Variants in EXOC5 observed in about 807,000 individuals in gnomAD.
EXOC5 encodes the protein exocyst complex component 5, also known as SEC10-like 1.
In EXOC5, 17 loss-of-function variants were observed where a neutral mutation model predicts 90.8. The observed-to-expected ratio is 0.19, with a 90% CI of 0.13 to 0.28. EXOC5 has a LOEUF of 0.28. Ranked by LOEUF, EXOC5 falls within the 10% of genes least tolerant of loss-of-function variation. The pLI is 1.00. For missense variants in EXOC5, 569 were observed against 830.6 expected (o/e 0.69, Z 3.87); for synonymous variants, 260 against 270.0 (o/e 0.96, Z 0.36).
At chr14:57,226,704 T>C (rs1883318743) in intron 12 of EXOC5, among the ~76,000 whole-genome samples, 1 of 152,198 alleles carries the variant, frequency 6.6e-6, no homozygotes, top group South Asian at 2.1e-4. Context: ...CCATTGATTT[T>C]TGACAAAGGT....
At chr14:57,217,029 T>C (rs1413300708) in intron 15 of EXOC5, among the ~76,000 whole-genome samples, 1 of 152,158 alleles carries the variant, frequency 6.6e-6, no homozygotes, top group African/African-American at 2.4e-5. Flanking sequence ...GTGCTCAACA[T>C]CACTAGTCAT....
intron 12 of EXOC5, 141 bp from the exon 13 acceptor site, chr14:57,222,557 G>A: frequency 2.0e-6 from 1 of 500,328 alleles, no homozygotes; most frequent in South Asian, 3.5e-5. Context: ...CATACTGCGT[G>A]TGCATGCACA....
At position 57,268,349 on chromosome 14, in the gene EXOC5, G is replaced by A. The variant is rs146837183; in HGVS notation, c.27+273C>T. The A allele has an allele frequency of 6.3e-4, 503 of 798,608 alleles. 7 individuals are homozygous for A. The East Asian group carries it at 0.015, about 24-fold the overall frequency. The allele number at this position is 798,608 out of a possible 1,614,324, so 49.5% of individuals were successfully genotyped here. A position where few individuals can be genotyped will look rare whatever the true frequency, so the allele number is the denominator to read the frequency against. ...CCGAACCTTCCAGACTTTCCCTCTT[G>A]CCCCCACAAACAAAAGCAACCCTCC... On this transcript the variant is annotated intron_variant, in intron 1 of 17. Transcript: ENST00000621441.
chr14:57,264,338 T>C (rs1270703819), intron 1 of EXOC5, among the ~76,000 whole-genome samples: 2 of 152,230 alleles, frequency 1.3e-5, no homozygotes. Context: ...TCAACAACTC[T>C]GTTTAACTAG....
chr14:57,211,190 T>C (rs781459334), intron 15 of EXOC5, among the ~76,000 whole-genome samples: 4 of 152,190 alleles, frequency 2.6e-5, no homozygotes, highest in Non-Finnish European at 5.9e-5. Context: ...CTATAGGCAT[T>C]TTTTCTGCAG....
At chr14:57,219,250 A>T in intron 14 of EXOC5, 72 bp downstream of exon 14, 1 of 828,052 alleles carries the variant, frequency 1.2e-6, no homozygotes, top group Non-Finnish European at 1.7e-6. Flanking sequence ...ATTTAATGAA[A>T]ATATATATAG....
At chr14:57,231,431 T>C (rs1011521133) in intron 11 of EXOC5, 75 bp downstream of exon 11, 2 of 929,846 alleles carry the variant, frequency 2.2e-6, no homozygotes, top group African/African-American at 3.3e-5. Context: ...TAGTCAACAT[T>C]TGATAATTTG....
intron 15 of EXOC5, among the ~76,000 whole-genome samples, chr14:57,215,903 G>T (rs1023752240): frequency 6.6e-6 from 1 of 152,084 alleles, no homozygotes; most frequent in Non-Finnish European, 1.5e-5. Context: ...CTTTGCAGAT[G>T]ATATGATCTT....
Position 57,264,034 on chromosome 14 carries a change from G to A in EXOC5, c.27+4588C>T, listed in dbSNP as rs1172932896. 2.6e-5 allele frequency among the ~76,000 whole-genome samples: 4 copies of A among 152,132 alleles called. No individual in the cohort carries two copies. In the East Asian group the frequency reaches 7.7e-4, roughly 29 times the overall value. ...AAAGATTCTATACTCCCACTGCGCT[G>A]TATTAATGTATTAACATGTCTGTCT... On this transcript the variant is annotated intron_variant, in intron 1 of 17. Transcript: ENST00000621441.
chr14:57,219,683 C>A (rs565307493), intron 13 of EXOC5, among the ~76,000 whole-genome samples: 1 of 152,098 alleles, frequency 6.6e-6, no homozygotes, highest in Non-Finnish European at 1.5e-5. Context: ...TCATGATTCA[C>A]GTGAGCCATG....
chr14:57,213,594 G>C (rs535763686), intron 15 of EXOC5, among the ~76,000 whole-genome samples: 84 of 151,926 alleles, frequency 5.5e-4, no homozygotes, highest in Non-Finnish European at 1.0e-3. Context: ...TTTTAGTAGA[G>C]ATGGGGTTTC....
chr14:57,208,886 G>A (rs1373792599), intron 17 of EXOC5, 89 bp from the exon 18 acceptor site: 4 of 805,918 alleles, frequency 5.0e-6, no homozygotes, highest in Admixed American at 2.5e-5. Context: ...ACTGTCAGGT[G>A]GGACTTACTA....
intron 1 of EXOC5, among the ~76,000 whole-genome samples, chr14:57,264,744 A>T (rs1470558686): frequency 6.6e-6 from 1 of 152,166 alleles, no homozygotes; most frequent in Non-Finnish European, 1.5e-5. Context: ...CTCTGTAGGT[A>T]ATTCAAATGC....
At chr14:57,232,835 CCA>C (rs1305762708) in intron 9 of EXOC5, 86 bp from the exon 10 acceptor site, 3 of 637,040 alleles carry the variant, frequency 4.7e-6, no homozygotes, top group South Asian at 2.5e-5. Flanking sequence ...AAAATTCACT[CCA>C]CAGTTTTGAA....
intron 12 of EXOC5, among the ~76,000 whole-genome samples, chr14:57,226,313 C>T (rs10135635): frequency 0.24 from 36,820 of 151,816 alleles, 10,762 homozygotes; most frequent in African/African-American, 0.71. Flanking sequence ...ATTTATTTTC[C>T]GTTCTCACAG....
At chr14:57,241,024 G>A (rs1009916921) in intron 4 of EXOC5, among the ~76,000 whole-genome samples, 1 of 151,738 alleles carries the variant, frequency 6.6e-6, no homozygotes, top group African/African-American at 2.4e-5. Flanking sequence ...GCTAATTTTG[G>A]TATTTTTTTA....
rs1174500800 is a variant in EXOC5, at chr14:57,205,406, A to G, written c.*3203T>C. 6.3e-6 allele frequency: 1 copy of G among 157,646 alleles called. No individual in the cohort carries two copies. Among genetic ancestry groups the G allele is most frequent in the African/African-American group, 2.4e-5 (1 of 41,476 alleles). 9.8% of individuals were successfully genotyped at this position (157,646 alleles called of 1,614,324 possible). On this transcript the variant is annotated 3_prime_UTR_variant, in exon 18 of 18. Transcript: ENST00000621441. Reference sequence around the variant, plus strand: ...CAACAATATATGGGTAATGTGCAGAATATTTTTGCGTTAAAAAAAGTTAAT... The same window carrying G: ...CAACAATATATGGGTAATGTGCAGAGTATTTTTGCGTTAAAAAAAGTTAAT...
In EXOC5 at chr14:57,235,910, T is replaced by C. The variant is rs1207288196; in HGVS notation, c.560-90A>G. 1.3e-5 allele frequency: 9 copies of C among 677,956 alleles called. No homozygotes were observed. The East Asian group carries it at 2.5e-4, about 19-fold the overall frequency. The allele number at this position is 677,956 out of a possible 1,614,324, so 42.0% of individuals were successfully genotyped here. A position where few individuals can be genotyped will look rare whatever the true frequency, so the allele number is the denominator to read the frequency against. Reference sequence around the variant, plus strand: ...ACATTATTTACAAATATAATGACTATGAATATAGCTTTCTTTTGAAGGAAT... The same window carrying C: ...ACATTATTTACAAATATAATGACTACGAATATAGCTTTCTTTTGAAGGAAT... On this transcript the variant is annotated intron_variant, in intron 6 of 17. Transcript: ENST00000621441.
intron 1 of EXOC5, among the ~76,000 whole-genome samples, chr14:57,252,972 C>T (rs943258958): frequency 1.3e-5 from 2 of 152,030 alleles, no homozygotes; most frequent in African/African-American, 4.8e-5. Flanking sequence ...AAGGAAATCC[C>T]GTCATTTGCA....
Sources: gnomAD v4.1 joint callset for allele counts (sites outside exome capture counted in the v4.1 genomes callset) on GRCh38, gnomAD v4.1.1 for gene constraint, MANE v1.5 for transcripts, NCBI Gene and HGNC (gene_info 2026-07-23, HGNC 2026-07-21) for gene names.